The following OSBPL2 variants were observed in gnomAD, a reference collection of about 807,000 sequenced individuals.
The protein encoded by OSBPL2 is oxysterol-binding protein-related protein 2.
A neutral mutation model predicts 58.4 loss-of-function variants in OSBPL2; 18 were observed. The observed-to-expected ratio is 0.31, with a 90% confidence interval of 0.21 to 0.46. The LOEUF (loss-of-function observed/expected upper bound fraction) is 0.46, where lower values mean the gene tolerates loss of function less well. OSBPL2 is among the 20% of genes least tolerant of loss of function. The probability of loss-of-function intolerance (pLI) is 1.00; values close to 1 mark genes in which losing one functional copy is unlikely to be tolerated. For missense variants in OSBPL2, 461 were observed against 616.5 expected, an observed-to-expected ratio of 0.75 and a Z score of 2.67; for synonymous variants, 221 against 234.1, an observed-to-expected ratio of 0.94 and a Z score of 0.51.
intron 1 of OSBPL2, among the ~76,000 whole-genome samples, chr20:62,245,726 T>G (rs890004072): frequency 2.6e-5 from 4 of 152,208 alleles, no homozygotes; most frequent in Non-Finnish European, 4.4e-5. Context: ...CGTACGTGCC[T>G]CACTCGTGAC....
Position 62,260,158 on chromosome 20 carries a change from G to T in OSBPL2, c.182+33G>T. ...CTCTCACGTCTGCTGTTTCTAAAATGTGTCTGTAATCACCCCAAAAATACT... is the reference window on the plus strand; with the variant it reads ...CTCTCACGTCTGCTGTTTCTAAAATTTGTCTGTAATCACCCCAAAAATACT... On this transcript the variant is annotated intron_variant, in intron 3 of 13. Transcript: ENST00000313733. 3 of 1,605,898 alleles carry T rather than the reference G, an allele frequency of 1.9e-6. 1 individual carries two copies. In the African/African-American group the frequency reaches 4.0e-5, roughly 22 times the overall value.
intron 10 of OSBPL2, chr20:62,284,968 T>G (rs1983020133): frequency 6.6e-6 from 1 of 152,380 alleles, no homozygotes; most frequent in Non-Finnish European, 1.5e-5. Context: ...CTGGCAAGGC[T>G]TTTCCCCTTA....
intron 1 of OSBPL2, among the ~76,000 whole-genome samples, chr20:62,253,692 G>GGA (rs1322891327): frequency 6.7e-6 from 1 of 149,972 alleles, no homozygotes; most frequent in Non-Finnish European, 1.5e-5. Flanking sequence ...GAAGAGAGCG[G>GGA]GAGAGAGAGA....
Position 62,296,163 on chromosome 20 carries a change from A to G in OSBPL2, c.*2276A>G, listed in dbSNP as rs928320298. 6.6e-6 allele frequency: 1 copy of G among 152,268 alleles called. No individual in the cohort carries two copies. The highest frequency in any genetic ancestry group is 1.5e-5 in the Non-Finnish European group (1 of 68,044). 9.4% of individuals were successfully genotyped at this position (152,268 alleles called of 1,614,324 possible). A position where few individuals can be genotyped will look rare whatever the true frequency, so the allele number is the denominator to read the frequency against. On this transcript the variant is annotated 3_prime_UTR_variant, in exon 14 of 14. Coordinates refer to ENST00000313733, the MANE Select transcript of OSBPL2 (RefSeq NM_144498.4). ...ATCTATTGAATGTTAAACATCTCTAATAAAGATGGCCACCACTTAATGTGT... is the reference window on the plus strand; with the variant it reads ...ATCTATTGAATGTTAAACATCTCTAGTAAAGATGGCCACCACTTAATGTGT...
rs780916980 is a variant in OSBPL2, at chr20:62,279,201, A to AC, written c.543dup (p.Ile182HisfsTer12). The AC allele has an allele frequency of 3.7e-6, 6 of 1,612,722 alleles. No homozygotes were observed. The highest frequency in any genetic ancestry group is 1.1e-5 in the South Asian group (1 of 91,006). On this transcript the variant is annotated frameshift_variant, in exon 7 of 14. Coordinates refer to ENST00000313733, the MANE Select transcript of OSBPL2 (RefSeq NM_144498.4). LOFTEE classifies it high-confidence loss of function. Reference sequence around the variant, plus strand: ...TTTATATCGGAACAGGTCAGTCACCACCCCCCCATCAGTGCGTTCCACTCG... The same window carrying AC: ...TTTATATCGGAACAGGTCAGTCACCACCCCCCCCATCAGTGCGTTCCACTCG...
chr20:62,293,737 TC>T (rs759748508), intron 13 of OSBPL2, 47 bp from the exon 14 acceptor site: 1 of 1,577,682 alleles, frequency 6.3e-7, no homozygotes, highest in South Asian at 1.1e-5. Flanking sequence ...GGCTGCGTTT[TC>T]CTTTTGGGCT....
rs773703891 is a variant in OSBPL2, at chr20:62,295,335, A to T, written c.*1448A>T. 1.3e-5 allele frequency: 2 copies of T among 152,050 alleles called. No individual in the cohort carries two copies. Among genetic ancestry groups the T allele is most frequent in the Non-Finnish European group, 2.9e-5 (2 of 67,960 alleles). The allele number at this position is 152,050 out of a possible 1,614,324, so 9.4% of individuals were successfully genotyped here. Reference sequence around the variant, plus strand: ...GAAAGACCGTCGGTTGTGTGCACGCACGCACACACTCATGCACACGCTGAC... The same window carrying T: ...GAAAGACCGTCGGTTGTGTGCACGCTCGCACACACTCATGCACACGCTGAC... On this transcript the variant is annotated 3_prime_UTR_variant, in exon 14 of 14. Coordinates refer to ENST00000313733, the MANE Select transcript of OSBPL2 (RefSeq NM_144498.4). The surrounding 1 kb of genome is among the most constrained non-coding windows in gnomAD (Gnocchi z 4.8).
rs191729273 is a variant in OSBPL2, at chr20:62,239,715, G to C, written c.-129+1118G>C. On this transcript the variant is annotated intron_variant, in intron 1 of 13. Coordinates refer to ENST00000313733, the MANE Select transcript of OSBPL2 (RefSeq NM_144498.4). The stretch of plus-strand genomic sequence containing the variant: ...GTTGAGGAGCCCGGAACTGGTGCAG[G>C]GGCCACATGCTGGGAAGCCACGGCC... Among the ~76,000 whole-genome samples, 820 of 152,306 alleles carry C rather than the reference G, an allele frequency of 5.4e-3. 29 individuals are homozygous for C. The highest frequency in any genetic ancestry group is 0.049 in the Admixed American group (748 of 15,302).
At chr20:62,260,346 G>T (rs926078057) in intron 3 of OSBPL2, among the ~76,000 whole-genome samples, 6 of 152,184 alleles carry the variant, frequency 3.9e-5, no homozygotes, top group African/African-American at 1.4e-4. Flanking sequence ...AATTTTTTGA[G>T]CAGTGCCTTT....
intron 4 of OSBPL2, chr20:62,264,761 A>G (rs1240798642): frequency 6.6e-6 from 1 of 152,162 alleles, no homozygotes; most frequent in African/African-American, 2.4e-5. Flanking sequence ...TCCACATGTC[A>G]CTTGTATTTC....
In OSBPL2 at chr20:62,293,896, A is replaced by AGGGGCCT; in HGVS notation, c.*16_*22dup. The AGGGGCCT allele has an allele frequency of 6.2e-7, 1 of 1,613,088 alleles. No homozygotes were observed. On this transcript the variant is annotated 3_prime_UTR_variant, in exon 14 of 14. Transcript: ENST00000313733. ...GCCCAGATATCTACTGAGGGCCTGG[A>AGGGGCCT]GGGGCCTGGGGCCCGGGACCGGAGG...
intron 7 of OSBPL2, 40 bp downstream of exon 7, chr20:62,279,379 GA>G: frequency 6.3e-7 from 1 of 1,595,124 alleles, no homozygotes; most frequent in Non-Finnish European, 8.6e-7. Context: ...GCTTCCTGCA[GA>G]AACTGAAATG....
chr20:62,240,675 A>G (rs1979669640), intron 1 of OSBPL2, among the ~76,000 whole-genome samples: 1 of 152,256 alleles, frequency 6.6e-6, no homozygotes, highest in Non-Finnish European at 1.5e-5. Flanking sequence ...TTCGTTTAGA[A>G]TATTCTAATC....
chr20:62,246,595 C>G (rs1234352945), intron 1 of OSBPL2, among the ~76,000 whole-genome samples: 6 of 152,130 alleles, frequency 3.9e-5, no homozygotes, highest in African/African-American at 1.2e-4. Flanking sequence ...GAAGCATTGC[C>G]CACGCTAGGC....
intron 12 of OSBPL2, chr20:62,291,485 A>C: frequency 1.7e-6 from 1 of 583,902 alleles, no homozygotes; most frequent in Non-Finnish European, 3.1e-6. Flanking sequence ...TGCAGCCCCC[A>C]TGCTCTACTC....
intron 2 of OSBPL2, among the ~76,000 whole-genome samples, chr20:62,258,120 C>T (rs565808332): frequency 1.5e-4 from 23 of 152,198 alleles, no homozygotes; most frequent in African/African-American, 5.1e-4. Context: ...ACAGGGTGTG[C>T]GGGGCTGTGG....
chr20:62,278,671 AGT>A, intron 6 of OSBPL2: 1 of 146,932 alleles, frequency 6.8e-6, no homozygotes, highest in East Asian at 2.2e-4. Context: ...CGTTAGGCCA[AGT>A]GCAATGTCAT....
intron 1 of OSBPL2, among the ~76,000 whole-genome samples, chr20:62,251,037 A>ATTT (rs35328509): frequency 4.1e-3 from 401 of 97,806 alleles, no homozygotes; most frequent in Non-Finnish European, 5.5e-3. Flanking sequence ...AGAGCAATAG[A>ATTT]TTTTTTTTTT....
intron 4 of OSBPL2, among the ~76,000 whole-genome samples, chr20:62,266,586 GT>G (rs1478497147): frequency 6.6e-6 from 1 of 151,700 alleles, no homozygotes; most frequent in African/African-American, 2.4e-5. Context: ...GCTGTGGCTC[GT>G]TCTGGATCCG....
Sources: gnomAD v4.1 joint callset for allele counts (sites outside exome capture counted in the v4.1 genomes callset) on GRCh38, gnomAD v4.1.1 for gene constraint, Gnocchi (gnomAD v3.1) non-coding constraint, MANE v1.5 for transcripts, NCBI Gene and HGNC (gene_info 2026-07-23, HGNC 2026-07-21) for gene names.